MKX: variants seen among roughly 807,000 people sequenced by gnomAD.
The protein encoded by MKX is mohawk homeobox.
Under a neutral mutation model 36.0 loss-of-function variants are expected in MKX, and 13 were observed. That is an observed-to-expected ratio of 0.36 (90% CI 0.24 to 0.57). MKX has a LOEUF of 0.57. Among genes scored for constraint, MKX ranks in the 20% least tolerant of loss-of-function variants. The pLI, the probability that MKX is intolerant of heterozygous loss-of-function variation, is 0.79. For synonymous variants in MKX, 176 were observed against 178.3 expected, an observed-to-expected ratio of 0.99 and a Z score of 0.10; for missense variants, 458 against 456.4, an observed-to-expected ratio of 1.00 and a Z score of -0.03.
chr10:27,682,689 G>A (rs1048466654), intron 5 of MKX, among the ~76,000 whole-genome samples: 2 of 152,102 alleles, frequency 1.3e-5, no homozygotes, highest in Non-Finnish European at 2.9e-5. Flanking sequence ...CTCAAAAGAA[G>A]CGCACAACTG....
intron 3 of MKX, among the ~76,000 whole-genome samples, chr10:27,738,377 G>A (rs541158856): frequency 2.6e-5 from 4 of 151,938 alleles, no homozygotes; most frequent in African/African-American, 7.2e-5. Flanking sequence ...TAAAAATATC[G>A]GTTCAAATTT....
chr10:27,700,860 A>G (rs1008818384), intron 5 of MKX, among the ~76,000 whole-genome samples: 2 of 152,186 alleles, frequency 1.3e-5, no homozygotes, highest in African/African-American at 4.8e-5. Context: ...TAATTTATAC[A>G]ATAATAAAAT....
chr10:27,738,050 C>CT (rs924801580), intron 3 of MKX, among the ~76,000 whole-genome samples: 15 of 151,762 alleles, frequency 9.9e-5, no homozygotes, highest in African/African-American at 1.4e-4. Context: ...TACTCATAGT[C>CT]TTTTTTTTAA....
Position 27,741,536 on chromosome 10 carries a change from G to A in MKX, c.189-32C>T. 2 of 1,540,794 alleles carry A rather than the reference G, an allele frequency of 1.3e-6. No individual in the cohort carries two copies. Among genetic ancestry groups the A allele is most frequent in the Non-Finnish European group, 1.7e-6 (2 of 1,150,724 alleles). ...CATGGGGAGAGGAGGCGGCCCTGGT[G>A]AGCGACGCGTTTGCCCGCCCGGACG... On this transcript the variant is annotated intron_variant, in intron 2 of 6. Transcript: ENST00000419761. This position sits in a 1 kb window ranked among gnomAD's most constrained non-coding sequence, Gnocchi z 5.1.
chr10:27,680,415 C>CA (rs1258359016), intron 5 of MKX, among the ~76,000 whole-genome samples: 2 of 149,110 alleles, frequency 1.3e-5, no homozygotes, highest in East Asian at 3.9e-4. Flanking sequence ...TTGGATGCTG[C>CA]AAAACCCAAA....
intron 5 of MKX, among the ~76,000 whole-genome samples, chr10:27,729,068 C>T (rs1002072709): frequency 1.4e-4 from 21 of 152,306 alleles, no homozygotes; most frequent in Non-Finnish European, 3.1e-4. Context: ...TCACCTCCAT[C>T]AAGCAGATGG....
intron 5 of MKX, 118 bp downstream of exon 5, chr10:27,734,338 T>A: frequency 2.2e-6 from 2 of 892,864 alleles, no homozygotes; most frequent in Non-Finnish European, 3.4e-6. Context: ...AACTGAATTA[T>A]GGGCAATATG....
In MKX at chr10:27,715,219, A is replaced by T. The variant is rs1362235351; in HGVS notation, c.838+19237T>A. 2.0e-5 allele frequency among the ~76,000 whole-genome samples: 3 copies of T among 152,024 alleles called. No homozygotes were observed. The East Asian group carries it at 5.8e-4, about 29-fold the overall frequency. On this transcript the variant is annotated intron_variant, in intron 5 of 6. Transcript: ENST00000419761. ...CAGGCAGACGCTTGCTTTGCCCTGG[A>T]CACTGTGTTATGTTGCTGGAGTCCC...
intron 4 of MKX, 112 bp downstream of exon 4, chr10:27,735,109 A>G: frequency 9.9e-7 from 1 of 1,006,252 alleles, no homozygotes; most frequent in Non-Finnish European, 1.4e-6. Context: ...GCAATAAAAA[A>G]GAACCGTTAA....
Position 27,711,431 on chromosome 10 carries a change from CTT to C in MKX, c.838+23023_838+23024del, listed in dbSNP as rs201027363. 2.4e-3 allele frequency among the ~76,000 whole-genome samples: 169 copies of C among 70,910 alleles called. 1 individual carries two copies. The highest frequency in any genetic ancestry group is 0.011 in the African/African-American group (159 of 13,892). 46.5% of individuals were successfully genotyped at this position (70,910 alleles called of 152,430 possible). A position where few individuals can be genotyped will look rare whatever the true frequency, so the allele number is the denominator to read the frequency against. On this transcript the variant is annotated intron_variant, in intron 5 of 6. Coordinates refer to ENST00000419761, the MANE Select transcript of MKX (RefSeq NM_173576.3). ...TTCCTTCTTTCTTTCTTTCTTTTCT[CTT>C]TCTTTCTTTCTTTCTTTCTTTCTTT... is the stretch of plus-strand genomic sequence containing the variant.
At chr10:27,684,251 G>T (rs1237295017) in intron 5 of MKX, among the ~76,000 whole-genome samples, 1 of 152,076 alleles carries the variant, frequency 6.6e-6, no homozygotes, top group Non-Finnish European at 1.5e-5. Context: ...GGAGGTCAAG[G>T]CTGCATTGAG....
At chr10:27,691,509 C>T (rs1836453478) in intron 5 of MKX, among the ~76,000 whole-genome samples, 1 of 152,094 alleles carries the variant, frequency 6.6e-6, no homozygotes, top group South Asian at 2.1e-4. Flanking sequence ...GGCCAACTAG[C>T]CATCTTACGC....
chr10:27,684,715 AAT>A (rs1329614254), intron 5 of MKX, among the ~76,000 whole-genome samples: 1 of 152,232 alleles, frequency 6.6e-6, no homozygotes, highest in Non-Finnish European at 1.5e-5. Flanking sequence ...CTTAAACTTG[AAT>A]ATTAAGCAGT....
At chr10:27,701,283 A>AGGCGGTGC (rs1836646654) in intron 5 of MKX, among the ~76,000 whole-genome samples, 1 of 151,874 alleles carries the variant, frequency 6.6e-6, no homozygotes, top group African/African-American at 2.4e-5. Flanking sequence ...TAAAGAACTG[A>AGGCGGTGC]AGCGGTGCAC....
rs768440921 is a variant in MKX at position 27,741,310 on chromosome 10, G to A, written c.348+35C>T. ...GTTCCCGCTCTTCAGCCCCTCGCGGGAAAACGGATCAGGGTGTTAATGGGT... is the reference window on the plus strand; with the variant it reads ...GTTCCCGCTCTTCAGCCCCTCGCGGAAAAACGGATCAGGGTGTTAATGGGT... On this transcript the variant is annotated intron_variant, in intron 3 of 6. Transcript: ENST00000419761. The surrounding 1 kb of genome is among the most constrained non-coding windows in gnomAD (Gnocchi z 5.1). The A allele has an allele frequency of 5.5e-5, 88 of 1,606,690 alleles. No individual in the cohort carries two copies. Among genetic ancestry groups the A allele is most frequent in the Non-Finnish European group, 7.0e-5 (82 of 1,177,606 alleles).
intron 3 of MKX, among the ~76,000 whole-genome samples, chr10:27,736,764 C>T (rs149693686): frequency 2.4e-3 from 362 of 152,026 alleles, no homozygotes; most frequent in Middle Eastern, 0.01. Context: ...GGTAAACACA[C>T]GGTGGGTTTC....
chr10:27,737,102 T>A (rs573785490), intron 3 of MKX, among the ~76,000 whole-genome samples: 82 of 152,252 alleles, frequency 5.4e-4, no homozygotes, highest in African/African-American at 1.9e-3. Flanking sequence ...GAACTACACA[T>A]AATTAACTGG....
At chr10:27,734,367 T>C in intron 5 of MKX, 89 bp downstream of exon 5, 6 of 1,204,578 alleles carry the variant, frequency 5.0e-6, no homozygotes, top group South Asian at 2.9e-5. Flanking sequence ...CTGATGTCTT[T>C]ATACCTGTTA....
At position 27,673,021 on chromosome 10, in the gene MKX, G is replaced by T. The variant is rs1239894015; in HGVS notation, c.*2208C>A. The T allele has an allele frequency of 6.6e-6, 1 of 152,152 alleles. No homozygotes were observed. The highest frequency in any genetic ancestry group is 1.5e-5 in the Non-Finnish European group (1 of 68,022). The allele number at this position is 152,152 out of a possible 1,614,324, so 9.4% of individuals were successfully genotyped here. On this transcript the variant is annotated 3_prime_UTR_variant, in exon 7 of 7. Transcript: ENST00000419761. ...TAAATTATGAGTTAGATTTTCAGCT[G>T]CCGGCTCAGCATTGTTCAAGATTCT...
Sources: allele counts gnomAD v4.1 joint callset (sites outside exome capture counted in the v4.1 genomes callset), GRCh38; gene constraint gnomAD v4.1.1; non-coding constraint Gnocchi (gnomAD v3.1); transcripts MANE v1.5; gene names NCBI Gene and HGNC (gene_info 2026-07-23, HGNC 2026-07-21).